The following RBM47 variants were observed in gnomAD, a reference collection of about 807,000 sequenced individuals.
RBM47 encodes RNA binding motif protein 47.
RBM47 carries 21 observed loss-of-function variants against 47.1 expected under a neutral mutation model. The observed-to-expected ratio is 0.45, with a 90% CI of 0.32 to 0.64. RBM47 has a LOEUF of 0.64. Ranked by LOEUF, RBM47 falls within the 30% of genes least tolerant of loss-of-function variation. The pLI, the probability that RBM47 is intolerant of heterozygous loss-of-function variation, is 0.05. For synonymous variants in RBM47, 375 were observed against 361.7 expected, an observed-to-expected ratio of 1.04 and a Z score of -0.42; for missense variants, 708 against 870.9, an observed-to-expected ratio of 0.81 and a Z score of 2.35.
chr4:40,441,194 T>A (rs751863769), intron 3 of RBM47, among the ~76,000 whole-genome samples: 148 of 150,464 alleles, frequency 9.8e-4, no homozygotes, highest in Non-Finnish European at 1.5e-3. Context: ...GAGGCAGAGG[T>A]GGGAGGATTA....
At chr4:40,545,368 A>AAG (rs923954999) in intron 1 of RBM47, among the ~76,000 whole-genome samples, 10 of 146,374 alleles carry the variant, frequency 6.8e-5, no homozygotes, top group Admixed American at 5.4e-4. Context: ...CTGTCTTTAA[A>AAG]AGAGAGAGAG....
At chr4:40,497,041 CAAAAA>C (rs10631036) in intron 2 of RBM47, among the ~76,000 whole-genome samples, 1 of 114,842 alleles carries the variant, frequency 8.7e-6, no homozygotes, top group Non-Finnish European at 1.7e-5. Flanking sequence ...AACTCCATCT[CAAAAA>C]AAAAAAAAAA....
At chr4:40,560,018 C>T (rs746425931) in intron 1 of RBM47, among the ~76,000 whole-genome samples, 6 of 152,172 alleles carry the variant, frequency 3.9e-5, no homozygotes, top group Admixed American at 6.6e-5. Flanking sequence ...CATAACCACG[C>T]GCTCACTTTC....
intron 2 of RBM47, among the ~76,000 whole-genome samples, chr4:40,504,140 G>A (rs1456598625): frequency 6.6e-6 from 1 of 152,098 alleles, no homozygotes; most frequent in South Asian, 2.1e-4. Flanking sequence ...GTATTAGTAG[G>A]GATACTGAGT....
chr4:40,521,313 G>GAA (rs1294029011), intron 2 of RBM47, among the ~76,000 whole-genome samples: 8 of 152,076 alleles, frequency 5.3e-5, no homozygotes, highest in Non-Finnish European at 5.9e-5. Context: ...TGATTCTCCT[G>GAA]CCTCAGCCTC....
At chr4:40,471,693 C>CA (rs540788362) in intron 2 of RBM47, among the ~76,000 whole-genome samples, 2,605 of 106,754 alleles carry the variant, frequency 0.024, 45 homozygotes, top group African/African-American at 0.045. Context: ...AACTCCACCT[C>CA]AAAAAAAAAA....
At chr4:40,542,186 C>T (rs1191793025) in intron 2 of RBM47, among the ~76,000 whole-genome samples, 1 of 152,172 alleles carries the variant, frequency 6.6e-6, no homozygotes, top group Non-Finnish European at 1.5e-5. Context: ...AAAATCTGAT[C>T]ATCAGTCTGA....
intron 1 of RBM47, among the ~76,000 whole-genome samples, chr4:40,600,398 G>A (rs1408048372): frequency 6.6e-6 from 1 of 151,556 alleles, no homozygotes; most frequent in Non-Finnish European, 1.5e-5. Context: ...ACTTTGGGAG[G>A]CCAAGGCGGG....
chr4:40,515,891 T>C (rs1725506577), intron 2 of RBM47: 1 of 152,290 alleles, frequency 6.6e-6, no homozygotes, highest in Non-Finnish European at 1.5e-5. Flanking sequence ...TTCCATCTTA[T>C]TTTCAATGTC....
intron 3 of RBM47, among the ~76,000 whole-genome samples, chr4:40,465,679 C>CAA (rs879316072): frequency 1.5e-5 from 2 of 137,034 alleles, no homozygotes; most frequent in Non-Finnish European, 1.6e-5. Context: ...ACTCCATCTC[C>CAA]AAAAAAAAAA....
At chr4:40,447,359 G>A (rs1560371798) in intron 3 of RBM47, among the ~76,000 whole-genome samples, 1 of 152,194 alleles carries the variant, frequency 6.6e-6, no homozygotes, top group Admixed American at 6.5e-5. Context: ...GTTTGAACTT[G>A]TTGGGTTAAA....
upstream of RBM47, chr4:40,630,491 C>G (rs1024472959): frequency 6.6e-6 from 1 of 152,236 alleles, no homozygotes; most frequent in Admixed American, 6.5e-5. Context: ...TGGCCGCGCG[C>G]AGGCAGGAGC....
rs200598229 is a variant in RBM47 at position 40,566,475 on chromosome 4, T to C, written c.-239-21969A>G. On this transcript the variant is annotated intron_variant, in intron 1 of 6. Transcript: ENST00000295971. Reference sequence around the variant, plus strand: ...GCCTGACCAACGTGGTGAAACTCCGTCTCTACTAAAAATACAAAAATTAGC... The same window carrying C: ...GCCTGACCAACGTGGTGAAACTCCGCCTCTACTAAAAATACAAAAATTAGC... 1.6e-4 allele frequency among the ~76,000 whole-genome samples: 24 copies of C among 151,974 alleles called. 1 individual carries two copies. The East Asian group carries it at 4.6e-3, about 29-fold the overall frequency.
At chr4:40,506,584 C>G (rs1386291716) in intron 2 of RBM47, among the ~76,000 whole-genome samples, 1 of 152,204 alleles carries the variant, frequency 6.6e-6, no homozygotes, top group African/African-American at 2.4e-5. Flanking sequence ...TTCTGTTACA[C>G]AGGACAAGAC....
chr4:40,567,682 C>T (rs1354551208), intron 1 of RBM47, among the ~76,000 whole-genome samples: 3 of 151,932 alleles, frequency 2.0e-5, no homozygotes, highest in Non-Finnish European at 2.9e-5. Flanking sequence ...CCAGTGTCCA[C>T]AAAAACCAAA....
chr4:40,436,635 C>A lies in RBM47; in HGVS notation c.1136G>T (p.Arg379Ile). 6.2e-7 allele frequency: 1 copy of A among 1,613,936 alleles called. No individual in the cohort carries two copies. The highest frequency in any genetic ancestry group is 8.5e-7 in the Non-Finnish European group (1 of 1,179,954). Reference sequence around the variant, plus strand: ...GCCAGCTGCACCTCGCCCTCGGCCTCTTATGCTGCCTGCTTGTAATAACAA... The same window carrying A: ...GCCAGCTGCACCTCGCCCTCGGCCTATTATGCTGCCTGCTTGTAATAACAA... The part of the protein sequence containing the change: ...RDYFVKAGSI[R>I]GRGRGAAGNR... The change falls in exon 5 of 7, where the codon AGA becomes ATA. Residue 379 changes from arginine (R) to isoleucine (I), a missense_variant. Coordinates refer to ENST00000295971, the MANE Select transcript of RBM47 (RefSeq NM_001098634.2).
intron 1 of RBM47, among the ~76,000 whole-genome samples, chr4:40,609,971 A>G (rs1736112226): frequency 6.6e-6 from 1 of 152,142 alleles, no homozygotes; most frequent in Non-Finnish European, 1.5e-5. Flanking sequence ...GCATGCCTGT[A>G]ATCCCAGCTA....
upstream of RBM47, chr4:40,630,810 A>G (rs1467699955): frequency 1.3e-5 from 2 of 151,882 alleles, no homozygotes; most frequent in East Asian, 1.9e-4. Context: ...AGCCTCCCGC[A>G]TTTCAGTGGA....
intron 2 of RBM47, among the ~76,000 whole-genome samples, chr4:40,503,774 C>T (rs764812040): frequency 2.0e-5 from 3 of 151,992 alleles, no homozygotes; most frequent in Non-Finnish European, 4.4e-5. Context: ...CATATACACA[C>T]ACAGATACAT....
Sources: allele counts gnomAD v4.1 joint callset (sites outside exome capture counted in the v4.1 genomes callset), GRCh38; gene constraint gnomAD v4.1.1; transcripts MANE v1.5; gene names NCBI Gene and HGNC (gene_info 2026-07-23, HGNC 2026-07-21).